The following ANKS1B variants were observed in gnomAD, a reference collection of about 807,000 sequenced individuals.
ANKS1B encodes the protein ankyrin repeat and sterile alpha motif domain-containing protein 1B.
A neutral mutation model predicts 148.3 loss-of-function variants in ANKS1B; 36 were observed. The observed-to-expected ratio is 0.24, with a 90% CI of 0.19 to 0.32. The LOEUF (loss-of-function observed/expected upper bound fraction) is 0.32. Among genes scored for constraint, ANKS1B ranks in the 10% least tolerant of loss-of-function variants. The pLI, the probability that ANKS1B is intolerant of heterozygous loss-of-function variation, is 1.00. For synonymous variants in ANKS1B, 542 were observed against 560.8 expected (o/e 0.97, Z 0.47); for missense variants, 1,157 against 1,542.6 (o/e 0.75, Z 4.19).
intron 17 of ANKS1B, among the ~76,000 whole-genome samples, chr12:99,042,537 C>T (rs867930865): frequency 2.0e-5 from 3 of 152,144 alleles, no homozygotes; most frequent in Non-Finnish European, 2.9e-5. Context: ...AAATGTCTAT[C>T]GCTTTAAGCC....
chr12:98,890,277 T>C (rs1332681954), intron 17 of ANKS1B, among the ~76,000 whole-genome samples: 2 of 152,182 alleles, frequency 1.3e-5, no homozygotes, highest in Non-Finnish European at 2.9e-5. Context: ...AATAGCATCA[T>C]TCATATCAGG....
intron 24 of ANKS1B, among the ~76,000 whole-genome samples, chr12:98,775,998 T>C (rs1002964949): frequency 2.6e-5 from 4 of 152,264 alleles, no homozygotes; most frequent in African/African-American, 7.2e-5. Context: ...CTCTTGAATT[T>C]GTATTGATAG....
chr12:99,152,772 G>A (rs999042621), intron 15 of ANKS1B, among the ~76,000 whole-genome samples: 3 of 152,070 alleles, frequency 2.0e-5, no homozygotes, highest in Non-Finnish European at 4.4e-5. Context: ...GACATAGGGA[G>A]AAATAATTAA....
chr12:99,920,494 A>T (rs1167077593), intron 1 of ANKS1B, among the ~76,000 whole-genome samples: 2 of 152,176 alleles, frequency 1.3e-5, no homozygotes, highest in Admixed American at 6.5e-5. Context: ...GACAAAAAAA[A>T]AAATGCATAT....
At chr12:98,887,732 T>G (rs1251718412) in intron 17 of ANKS1B, among the ~76,000 whole-genome samples, 1 of 152,044 alleles carries the variant, frequency 6.6e-6, no homozygotes, top group Non-Finnish European at 1.5e-5. Flanking sequence ...CTCAGCCTCC[T>G]GAGTAGTTGG....
chr12:99,160,340 G>C (rs2076520598), intron 14 of ANKS1B, among the ~76,000 whole-genome samples: 1 of 151,510 alleles, frequency 6.6e-6, no homozygotes, highest in South Asian at 2.1e-4. Flanking sequence ...TTTTCTTCTA[G>C]GATTCTTTTT....
intron 12 of ANKS1B, among the ~76,000 whole-genome samples, chr12:99,306,147 T>C (rs930262482): frequency 6.6e-6 from 1 of 152,094 alleles, no homozygotes; most frequent in Non-Finnish European, 1.5e-5. Context: ...AATCCAGAAA[T>C]TCCTGAAGTT....
intron 8 of ANKS1B, among the ~76,000 whole-genome samples, chr12:99,716,068 G>C (rs563079515): frequency 2.6e-4 from 40 of 152,110 alleles, no homozygotes; most frequent in African/African-American, 9.6e-4. Flanking sequence ...GCTTTTCTGG[G>C]GGAGGGGCAA....
At chr12:99,730,419 G>C (rs968837211) in intron 8 of ANKS1B, among the ~76,000 whole-genome samples, 1 of 152,306 alleles carries the variant, frequency 6.6e-6, no homozygotes, top group Non-Finnish European at 1.5e-5. Flanking sequence ...GGGGGCCAGA[G>C]AGGGTAGAAG....
chr12:98,845,927 C>T (rs2099458947), intron 17 of ANKS1B, among the ~76,000 whole-genome samples: 1 of 149,540 alleles, frequency 6.7e-6, no homozygotes, highest in Non-Finnish European at 1.5e-5. Flanking sequence ...TAAAAAGATA[C>T]TTTTTTTTCT....
intron 9 of ANKS1B, among the ~76,000 whole-genome samples, chr12:99,592,755 T>G (rs963621058): frequency 6.6e-6 from 1 of 152,132 alleles, no homozygotes; most frequent in Non-Finnish European, 1.5e-5. Flanking sequence ...GACACAGCTC[T>G]CAGGAGATCC....
At chr12:99,939,412 T>C (rs2094862123) in intron 1 of ANKS1B, among the ~76,000 whole-genome samples, 1 of 152,158 alleles carries the variant, frequency 6.6e-6, no homozygotes, top group South Asian at 2.1e-4. Flanking sequence ...TTCTTTTTTG[T>C]AGAGACAGGG....
At chr12:99,677,802 TCTCTAC>T (rs1455111093) in intron 8 of ANKS1B, among the ~76,000 whole-genome samples, 1 of 151,790 alleles carries the variant, frequency 6.6e-6, no homozygotes, top group African/African-American at 2.4e-5. Flanking sequence ...TGAAACCCTG[TCTCTAC>T]TAAAAATACA....
chr12:98,791,124 A>T lies in ANKS1B; in HGVS notation c.3342+7810T>A, dbSNP rs2153554852. Among the ~76,000 whole-genome samples the T allele has an allele frequency of 1.3e-5, 2 of 152,276 alleles. 1 individual carries two copies. ...CACTTTGGGAGGCCGAGGTGGGCAGATCACAAGGTCAGGAGTTCGAGACCA... is the reference window on the plus strand; with the variant it reads ...CACTTTGGGAGGCCGAGGTGGGCAGTTCACAAGGTCAGGAGTTCGAGACCA... On this transcript the variant is annotated intron_variant, in intron 22 of 26. Coordinates refer to ENST00000683438, the MANE Select transcript of ANKS1B (RefSeq NM_001352186.2).
chr12:99,822,516 C>T (rs977256999), intron 2 of ANKS1B, among the ~76,000 whole-genome samples: 1 of 152,132 alleles, frequency 6.6e-6, no homozygotes, highest in Non-Finnish European at 1.5e-5. Flanking sequence ...GTATTAAGTT[C>T]CCACTTATAA....
intron 16 of ANKS1B, among the ~76,000 whole-genome samples, chr12:99,056,465 C>A (rs770523846): frequency 6.6e-6 from 1 of 152,202 alleles, no homozygotes; most frequent in Non-Finnish European, 1.5e-5. Context: ...ACACAATAGC[C>A]TTCTACATGG....
At chr12:99,877,091 C>A (rs1203465696) in intron 1 of ANKS1B, among the ~76,000 whole-genome samples, 6 of 152,066 alleles carry the variant, frequency 3.9e-5, no homozygotes, top group African/African-American at 1.4e-4. Flanking sequence ...ATACCCACTT[C>A]ACCCCCCCAC....
At chr12:99,402,641 G>A (rs1191130018) in intron 11 of ANKS1B, among the ~76,000 whole-genome samples, 3 of 145,816 alleles carry the variant, frequency 2.1e-5, no homozygotes, top group Non-Finnish European at 1.5e-5. Context: ...CCCTGCAAAG[G>A]ACATGATCTC....
At chr12:99,298,258 T>C (rs2081161159) in intron 12 of ANKS1B, among the ~76,000 whole-genome samples, 1 of 152,208 alleles carries the variant, frequency 6.6e-6, no homozygotes, top group South Asian at 2.1e-4. Flanking sequence ...AAATCTCACG[T>C]TGAATTGTAA....
Sources: gnomAD v4.1 joint callset for allele counts (sites outside exome capture counted in the v4.1 genomes callset) on GRCh38, gnomAD v4.1.1 for gene constraint, MANE v1.5 for transcripts, NCBI Gene and HGNC (gene_info 2026-07-23, HGNC 2026-07-21) for gene names.